The following NUP214 variants were observed in gnomAD, a reference collection of about 807,000 sequenced individuals.
The protein encoded by NUP214 is nucleoporin 214, also known as nuclear pore complex protein Nup214.
In NUP214, 79 loss-of-function variants were observed where a neutral mutation model predicts 196.2. The ratio of observed to expected loss-of-function variants is 0.40; its 90% CI spans 0.34 to 0.49. The LOEUF is 0.49. Among genes scored for constraint, NUP214 ranks in the 20% least tolerant of loss-of-function variants. The pLI is 0.58. For missense variants in NUP214, 2,468 were observed against 2,539.0 expected, an observed-to-expected ratio of 0.97 and a Z score of 0.60; for synonymous variants, 1,020 against 990.5, an observed-to-expected ratio of 1.03 and a Z score of -0.56.
intron 24 of NUP214, among the ~76,000 whole-genome samples, chr9:131,186,837 G>A (rs1326028493): frequency 6.6e-6 from 1 of 152,214 alleles, no homozygotes; most frequent in African/African-American, 2.4e-5. Flanking sequence ...TAGCTGCTGT[G>A]AGAAGCTAAG....
At chr9:131,134,084 C>A (rs1234840819) in intron 7 of NUP214, among the ~76,000 whole-genome samples, 1 of 152,128 alleles carries the variant, frequency 6.6e-6, no homozygotes, top group African/African-American at 2.4e-5. Flanking sequence ...GTAGTTGGGA[C>A]CACAGGCATG....
intron 24 of NUP214, among the ~76,000 whole-genome samples, chr9:131,184,236 G>T (rs181842360): frequency 3.3e-5 from 5 of 151,260 alleles, no homozygotes; most frequent in African/African-American, 1.2e-4. Context: ...TAACCATGTT[G>T]GCCCGGCTGA....
intron 32 of NUP214, among the ~76,000 whole-genome samples, chr9:131,224,831 G>A (rs1428422789): frequency 1.3e-5 from 2 of 152,212 alleles, no homozygotes; most frequent in Non-Finnish European, 2.9e-5. Context: ...TTAGAAAGGT[G>A]CATCGTGAAC....
chr9:131,142,974 T>C lies in NUP214; in HGVS notation c.1295-1306T>C, dbSNP rs1831967492. On this transcript the variant is annotated intron_variant, in intron 11 of 35. Coordinates refer to ENST00000359428, the MANE Select transcript of NUP214 (RefSeq NM_005085.4). ...GGTTATTTAATTTAAAGATTAATAT[T>C]TTTACCTTATGGAAAGTTTGGAAAA... Among the ~76,000 whole-genome samples the C allele has an allele frequency of 2.6e-5, 4 of 152,324 alleles. No individual in the cohort carries two copies. The South Asian group carries it at 8.3e-4, about 32-fold the overall frequency.
chr9:131,223,732 T>TTATTTATTTATTTTATTTTTTTTA, intron 32 of NUP214, among the ~76,000 whole-genome samples: 1 of 30,084 alleles, frequency 3.3e-5, no homozygotes, highest in African/African-American at 8.0e-5. Flanking sequence ...TATTTATTTT[T>TTATTTATTTATTTTATTTTTTTTA]TTTTTTTTTT....
chr9:131,140,707 C>G lies in NUP214; in HGVS notation c.1291C>G (p.Pro431Ala), dbSNP rs140106494. Residue 431 changes from proline to alanine, a missense_variant, in exon 11 of 36, where the codon CCA becomes GCA. By Grantham distance (27) the Pro-to-Ala change is conservative (BLOSUM62 -1). Around this residue, in one of 5 missense-constraint regions of NUP214, gnomAD observed 1,801 missense variants for 1,779.4 expected, o/e 1.01. Transcript: ENST00000359428. ...SLEGERQPKS[P>A]GSTPTTPTSS... ...AGAAGGAGAGCGACAGCCCAAGTCACCAGGTATGTGCCTCTGCCTGCTTTA... is the reference window on the plus strand; with the variant it reads ...AGAAGGAGAGCGACAGCCCAAGTCAGCAGGTATGTGCCTCTGCCTGCTTTA... 6.2e-7 allele frequency: 1 copy of G among 1,612,844 alleles called. No homozygotes were observed. Among genetic ancestry groups the G allele is most frequent in the Non-Finnish European group, 8.5e-7 (1 of 1,179,578 alleles).
Position 131,198,774 on chromosome 9 carries a change from T to C in NUP214, c.5280T>C (p.Ala1760=). Residue 1760 remains alanine, a synonymous_variant, in exon 29 of 36, where the codon GCT becomes GCC. Coordinates refer to ENST00000359428, the MANE Select transcript of NUP214 (RefSeq NM_005085.4). ...CCGTGCCTGCCTTCGGTCAGCCTGC[T>C]TCCTCCACTCCCACATCCACCAGTG... The part of the protein sequence containing the change: ...FSSVPAFGQP[A]SSTPTSTSGS... 6.2e-7 allele frequency: 1 copy of C among 1,614,248 alleles called. No homozygotes were observed. Among genetic ancestry groups the C allele is most frequent in the Non-Finnish European group, 8.5e-7 (1 of 1,180,048 alleles).
chr9:131,132,737 T>G, intron 6 of NUP214, 78 bp downstream of exon 6: 2 of 1,224,408 alleles, frequency 1.6e-6, no homozygotes, highest in South Asian at 2.5e-5. Context: ...TCATGTAATG[T>G]ACCTGCTCAG....
intron 31 of NUP214, among the ~76,000 whole-genome samples, chr9:131,220,939 T>C (rs926763523): frequency 3.3e-5 from 5 of 152,254 alleles, no homozygotes; most frequent in African/African-American, 1.2e-4. Context: ...ACATTTCATA[T>C]GGTTGCACCA....
intron 17 of NUP214, among the ~76,000 whole-genome samples, chr9:131,154,867 GTC>G (rs1485379525): frequency 6.6e-5 from 10 of 152,196 alleles, no homozygotes. Flanking sequence ...TCGCGTGTGT[GTC>G]ACATTTTCTT....
chr9:131,131,871 T>C (rs1199009091), intron 5 of NUP214, among the ~76,000 whole-genome samples: 1 of 151,936 alleles, frequency 6.6e-6, no homozygotes, highest in Non-Finnish European at 1.5e-5. Flanking sequence ...GTATTTTTTG[T>C]AGAGATAGGG....
chr9:131,215,460 A>AG (rs1834365980), intron 31 of NUP214, 92 bp downstream of exon 31: 1 of 1,298,592 alleles, frequency 7.7e-7, no homozygotes, highest in African/African-American at 1.5e-5. Flanking sequence ...AAATATAAAA[A>AG]GAAAAAAAAA....
At chr9:131,188,402 G>T (rs1588154419) in intron 25 of NUP214, among the ~76,000 whole-genome samples, 1 of 152,170 alleles carries the variant, frequency 6.6e-6, no homozygotes. Context: ...AGAAGTTCTG[G>T]TTTCTCTCAC....
Position 131,146,822 on chromosome 9 carries a change from C to A in NUP214, c.1945+518C>A, listed in dbSNP as rs774995279. ...GTGGGTGCCTGTAATCCCAGCTACT[C>A]AGGAGGCTGAGGCGGGAGAATCACT... is the stretch of plus-strand genomic sequence containing the variant. On this transcript the variant is annotated intron_variant, in intron 13 of 35. Transcript: ENST00000359428. The surrounding 1 kb of genome is among the most constrained non-coding windows in gnomAD (Gnocchi z 4.6). Among the ~76,000 whole-genome samples the A allele has an allele frequency of 2.0e-5, 3 of 151,932 alleles. No homozygotes were observed. Among genetic ancestry groups the A allele is most frequent in the South Asian group, 4.2e-4 (2 of 4,816 alleles).
intron 31 of NUP214, among the ~76,000 whole-genome samples, chr9:131,219,481 G>A (rs544792103): frequency 2.4e-4 from 36 of 152,276 alleles, no homozygotes; most frequent in Admixed American, 2.0e-3. Context: ...AACAATGACC[G>A]CAAAAGACAA....
At chr9:131,173,793 TTCTG>T (rs1833023263) in intron 21 of NUP214, among the ~76,000 whole-genome samples, 1 of 152,108 alleles carries the variant, frequency 6.6e-6, no homozygotes, top group African/African-American at 2.4e-5. Context: ...CCAGCATTAA[TTCTG>T]TCTCTTACTT....
At chr9:131,136,067 G>C in intron 9 of NUP214, 61 bp downstream of exon 9, 1 of 1,352,474 alleles carries the variant, frequency 7.4e-7, no homozygotes, top group Non-Finnish European at 1.1e-6. Context: ...TTTTGAGACA[G>C]TCTCGCTCTG....
chr9:131,210,501 C>T (rs1834209956), intron 30 of NUP214, among the ~76,000 whole-genome samples: 1 of 152,042 alleles, frequency 6.6e-6, no homozygotes, highest in Non-Finnish European at 1.5e-5. Flanking sequence ...GTGGCGCGCC[C>T]CTGTAGTCCC....
chr9:131,206,148 C>CTTT lies in NUP214; in HGVS notation c.5592+4443_5592+4445dup, dbSNP rs71265048. Among the ~76,000 whole-genome samples the CTTT allele has an allele frequency of 3.7e-4, 28 of 76,384 alleles. 6 individuals carry two copies. In the East Asian group the frequency reaches 4.7e-3, roughly 13 times the overall value. The allele number at this position is 76,384 out of a possible 152,430, so 50.1% of individuals were successfully genotyped here. A position where few individuals can be genotyped will look rare whatever the true frequency, so the allele number is the denominator to read the frequency against. On this transcript the variant is annotated intron_variant, in intron 30 of 35. Transcript: ENST00000359428. ...TCCACATAGAATTTTTTTCTTTTTT[C>CTTT]TTTTTTTTTTTTTTGAGACAGGGTT...
Sources: gnomAD v4.1 joint callset for allele counts (sites outside exome capture counted in the v4.1 genomes callset) on GRCh38, gnomAD v4.1.1 for gene constraint, gnomAD v4.1.1 regional missense constraint, Gnocchi (gnomAD v3.1) non-coding constraint, MANE v1.5 for transcripts, NCBI Gene and HGNC (gene_info 2026-07-23, HGNC 2026-07-21) for gene names.